ASIC2: variants seen among roughly 807,000 people sequenced by gnomAD.
ASIC2 encodes acid-sensing ion channel 2.
In ASIC2, 25 loss-of-function variants were observed where a neutral mutation model predicts 57.3. The ratio of observed to expected loss-of-function variants is 0.44; its 90% confidence interval spans 0.32 to 0.61. The LOEUF is 0.61. Ranked by LOEUF, ASIC2 falls within the 20% of genes least tolerant of loss-of-function variation. The probability of loss-of-function intolerance (pLI) is 0.06; values close to 1 mark genes in which losing one functional copy is unlikely to be tolerated. For missense variants in ASIC2, 641 were observed against 738.1 expected (o/e 0.87, Z 1.52); for synonymous variants, 319 against 307.5 (o/e 1.04, Z -0.39).
At chr17:33,576,508 A>G (rs781258704) in intron 1 of ASIC2, among the ~76,000 whole-genome samples, 1 of 152,274 alleles carries the variant, frequency 6.6e-6, no homozygotes. Flanking sequence ...AGAACAGCAT[A>G]GATAGTACAA....
At chr17:33,171,576 C>T (rs1474081738) in intron 1 of ASIC2, among the ~76,000 whole-genome samples, 1 of 152,244 alleles carries the variant, frequency 6.6e-6, no homozygotes, top group Non-Finnish European at 1.5e-5. Context: ...TTACTCAACT[C>T]AGGCACCAGC....
At chr17:33,400,827 C>A (rs112193232) in intron 1 of ASIC2, among the ~76,000 whole-genome samples, 1 of 152,246 alleles carries the variant, frequency 6.6e-6, no homozygotes, top group East Asian at 1.9e-4. Flanking sequence ...CCCCTGCCAC[C>A]CCTGCCAGCC....
intron 1 of ASIC2, among the ~76,000 whole-genome samples, chr17:33,508,981 A>G (rs572276925): frequency 7.2e-5 from 11 of 152,228 alleles, no homozygotes; most frequent in African/African-American, 2.6e-4. Context: ...TCAATCCTTT[A>G]CTCACGTTTG....
intron 1 of ASIC2, among the ~76,000 whole-genome samples, chr17:33,215,287 T>C (rs1907433641): frequency 6.6e-6 from 1 of 152,206 alleles, no homozygotes; most frequent in Admixed American, 6.5e-5. Flanking sequence ...ACCTATCAAA[T>C]GCCTTAAAAA....
At chr17:33,861,888 C>T (rs1024434822) in intron 1 of ASIC2, among the ~76,000 whole-genome samples, 1 of 152,178 alleles carries the variant, frequency 6.6e-6, no homozygotes, top group African/African-American at 2.4e-5. Context: ...ATGGCAAAAG[C>T]AACTGGGAGC....
At chr17:33,878,477 C>T (rs931862480) in intron 1 of ASIC2, among the ~76,000 whole-genome samples, 4 of 152,018 alleles carry the variant, frequency 2.6e-5, no homozygotes, top group Non-Finnish European at 5.9e-5. Flanking sequence ...CCTCAATAGC[C>T]GATTCGATCA....
chr17:33,923,059 C>G (rs779773550), intron 1 of ASIC2, among the ~76,000 whole-genome samples: 10 of 152,166 alleles, frequency 6.6e-5, no homozygotes, highest in Non-Finnish European at 1.5e-4. Flanking sequence ...ACCACAGCAG[C>G]TTACCCAGCA....
At chr17:33,016,508 C>CT (rs2091806511) in intron 8 of ASIC2, among the ~76,000 whole-genome samples, 1 of 152,142 alleles carries the variant, frequency 6.6e-6, no homozygotes, top group African/African-American at 2.4e-5. Context: ...GAGGGTAGTT[C>CT]TTAAATCTGT....
At chr17:33,791,562 T>C (rs958565812) in intron 1 of ASIC2, among the ~76,000 whole-genome samples, 6 of 152,116 alleles carry the variant, frequency 3.9e-5, no homozygotes, top group Admixed American at 3.9e-4. Flanking sequence ...ATATTTGACA[T>C]TTCACAGGCA....
Position 34,156,061 on chromosome 17 carries a change from G to A in ASIC2, c.472C>T (p.His158Tyr). 1 of 1,614,064 alleles carries A rather than the reference G, an allele frequency of 6.2e-7. No homozygotes were observed. Among genetic ancestry groups the A allele is most frequent in the Non-Finnish European group, 8.5e-7 (1 of 1,180,042 alleles). ...TCCTTCAGGTCATGGCCCACACGGT[G>A]CAGGAACTCCAGCATGCTGAACTGC... The change falls in exon 1 of 10, where the codon CAC (histidine) becomes TAC (tyrosine). Residue 158 changes from histidine to tyrosine, a missense_variant. By Grantham distance (83) the His-to-Tyr change is moderately conservative. Coordinates refer to the ASIC2 transcript ENST00000359872. This position sits in a 1 kb window ranked among gnomAD's most constrained non-coding sequence, Gnocchi z 4.4.
chr17:33,847,165 G>A (rs1241576211), intron 1 of ASIC2, among the ~76,000 whole-genome samples: 1 of 151,422 alleles, frequency 6.6e-6, no homozygotes, highest in African/African-American at 2.4e-5. Context: ...GCATCTAGTA[G>A]GGCAGAAAGA....
intron 1 of ASIC2, among the ~76,000 whole-genome samples, chr17:33,763,282 T>C (rs1396792565): frequency 1.3e-5 from 2 of 152,184 alleles, no homozygotes; most frequent in Non-Finnish European, 2.9e-5. Context: ...GTAGAATGAA[T>C]GAAGAATGAG....
At chr17:33,332,896 AAAAC>A (rs1907371882) in intron 1 of ASIC2, among the ~76,000 whole-genome samples, 1 of 151,752 alleles carries the variant, frequency 6.6e-6, no homozygotes, top group Admixed American at 6.5e-5. Flanking sequence ...ATCTCAAAAC[AAAAC>A]AAATAATAAA....
intron 1 of ASIC2, among the ~76,000 whole-genome samples, chr17:33,920,471 C>T (rs1915685385): frequency 6.6e-6 from 1 of 152,094 alleles, no homozygotes; most frequent in Admixed American, 6.5e-5. Flanking sequence ...AAACCAAATA[C>T]CACAGGTTCT....
At chr17:33,037,714 C>T (rs185193184) in intron 3 of ASIC2, among the ~76,000 whole-genome samples, 4 of 152,298 alleles carry the variant, frequency 2.6e-5, no homozygotes, top group African/African-American at 9.6e-5. Context: ...AGTTGTAATA[C>T]GGAACGTGGG....
At chr17:33,972,831 C>A (rs1159246470) in intron 1 of ASIC2, among the ~76,000 whole-genome samples, 4 of 152,216 alleles carry the variant, frequency 2.6e-5, no homozygotes, top group African/African-American at 4.8e-5. Flanking sequence ...CCGTCGCAGA[C>A]AATGAAAGAG....
intron 3 of ASIC2, among the ~76,000 whole-genome samples, chr17:33,070,894 G>A (rs778884047): frequency 1.3e-5 from 2 of 151,834 alleles, no homozygotes; most frequent in Non-Finnish European, 2.9e-5. Context: ...TAGATTGACA[G>A]CTTTTTTTTT....
intron 1 of ASIC2, among the ~76,000 whole-genome samples, chr17:33,696,551 C>T (rs771736188): frequency 4.6e-5 from 7 of 152,100 alleles, no homozygotes; most frequent in African/African-American, 1.4e-4. Context: ...ATGACATGAA[C>T]GAAGAAGGCC....
At chr17:33,262,967 A>G (rs1332552545) in intron 1 of ASIC2, among the ~76,000 whole-genome samples, 1 of 152,122 alleles carries the variant, frequency 6.6e-6, no homozygotes, top group Non-Finnish European at 1.5e-5. Context: ...GCCCAGGGCT[A>G]ATGCAAAAAG....
Sources: allele counts gnomAD v4.1 joint callset (sites outside exome capture counted in the v4.1 genomes callset), GRCh38; gene constraint gnomAD v4.1.1; non-coding constraint Gnocchi (gnomAD v3.1); transcripts MANE v1.5; gene names NCBI Gene and HGNC (gene_info 2026-07-23, HGNC 2026-07-21).